Variants in RIMS1 observed in about 807,000 individuals in gnomAD.
RIMS1 encodes the protein regulating synaptic membrane exocytosis 1, also known as regulating synaptic membrane exocytosis protein 1.
RIMS1 carries 83 observed loss-of-function variants against 214.1 expected under a neutral mutation model. The ratio of observed to expected loss-of-function variants is 0.39; its 90% CI spans 0.32 to 0.47. The LOEUF (loss-of-function observed/expected upper bound fraction) is 0.47, where lower values mean the gene tolerates loss of function less well. Ranked by LOEUF, RIMS1 falls within the 20% of genes least tolerant of loss-of-function variation. RIMS1 has a pLI of 0.99. For missense variants in RIMS1, 2,050 were observed against 2,161.8 expected, an observed-to-expected ratio of 0.95 and a Z score of 1.03; for synonymous variants, 793 against 786.8, an observed-to-expected ratio of 1.01 and a Z score of -0.13.
Position 72,290,691 on chromosome 6 carries a change from A to G in RIMS1, c.3567A>G (p.Thr1189=), listed in dbSNP as rs955208814. The G allele has an allele frequency of 6.2e-7, 1 of 1,613,498 alleles. No homozygotes were observed. The highest frequency in any genetic ancestry group is 1.1e-5 in the South Asian group (1 of 91,044). Residue 1189 remains threonine, a synonymous_variant, in exon 25 of 34, where the codon ACA becomes ACG. Coordinates refer to ENST00000521978, the MANE Select transcript of RIMS1 (RefSeq NM_014989.7). ...TASDAERVLP[T]CLSRRGHAAP... Reference sequence around the variant, plus strand: ...CCTAATGTTTTAGGGTTCTCCCAACATGTCTTTCTAGAAGGGGACACGCAG... The same window carrying G: ...CCTAATGTTTTAGGGTTCTCCCAACGTGTCTTTCTAGAAGGGGACACGCAG...
chr6:72,173,969 A>T (rs948973116), intron 4 of RIMS1, among the ~76,000 whole-genome samples: 5 of 115,784 alleles, frequency 4.3e-5, no homozygotes, highest in Non-Finnish European at 8.9e-5. Context: ...GTCATTCTGC[A>T]TATGGAAAAT....
chr6:72,395,170 C>T (rs2098758026), intron 31 of RIMS1, among the ~76,000 whole-genome samples: 1 of 151,828 alleles, frequency 6.6e-6, no homozygotes, highest in Non-Finnish European at 1.5e-5. Flanking sequence ...GAAGAATAAA[C>T]CAAAAAGCTC....
At chr6:72,112,334 C>A in intron 4 of RIMS1, among the ~76,000 whole-genome samples, 1 of 152,076 alleles carries the variant, frequency 6.6e-6, no homozygotes, top group East Asian at 1.9e-4. Context: ...CCACCCCACT[C>A]CCAAAGACAA....
At chr6:71,968,673 A>G (rs1795071747) in intron 1 of RIMS1, among the ~76,000 whole-genome samples, 1 of 152,210 alleles carries the variant, frequency 6.6e-6, no homozygotes, top group South Asian at 2.1e-4. Flanking sequence ...AGACATCTTC[A>G]TATGGTCATG....
chr6:72,089,275 G>C (rs1337865649), intron 2 of RIMS1, among the ~76,000 whole-genome samples: 1 of 152,122 alleles, frequency 6.6e-6, no homozygotes, highest in Non-Finnish European at 1.5e-5. Flanking sequence ...TTTAGATGCA[G>C]AGCCACGACA....
chr6:72,061,850 G>T (rs1202367921), intron 2 of RIMS1, among the ~76,000 whole-genome samples: 2 of 152,126 alleles, frequency 1.3e-5, no homozygotes, highest in Non-Finnish European at 2.9e-5. Context: ...TTTTCCCCTA[G>T]GGGGAATCTT....
chr6:72,308,641 T>C (rs1299114824), intron 27 of RIMS1, among the ~76,000 whole-genome samples: 1 of 151,888 alleles, frequency 6.6e-6, no homozygotes, highest in Non-Finnish European at 1.5e-5. Flanking sequence ...CATAGAGTCA[T>C]GTGTGTTTGA....
rs752491713 is a variant in RIMS1 at position 72,196,349 on chromosome 6, CTCTG to C, written c.1678+13228_1678+13231del. 7.6e-3 allele frequency among the ~76,000 whole-genome samples: 1,015 copies of C among 134,362 alleles called. 8 individuals are homozygous for C. Among genetic ancestry groups the C allele is most frequent in the African/African-American group, 0.018 (652 of 36,786 alleles). The allele number at this position is 134,362 out of a possible 152,430, so 88.1% of individuals were successfully genotyped here. On this transcript the variant is annotated intron_variant, in intron 6 of 33. Transcript: ENST00000521978. ...TGAATGCAAGGACCATGGCTATTTC[CTCTG>C]TCTGTCTGTCTGTCTGTCTGTCTGT...
intron 22 of RIMS1, among the ~76,000 whole-genome samples, chr6:72,271,833 C>G (rs560402953): frequency 6.6e-6 from 1 of 152,242 alleles, no homozygotes; most frequent in East Asian, 1.9e-4. Flanking sequence ...TTATTCTGTG[C>G]TATGCATAAT....
intron 4 of RIMS1, among the ~76,000 whole-genome samples, chr6:72,118,445 G>A (rs1347126345): frequency 1.3e-5 from 2 of 151,098 alleles, no homozygotes; most frequent in Non-Finnish European, 3.0e-5. Flanking sequence ...AAAAGATATA[G>A]AAAGATGGAA....
At chr6:71,911,832 C>A (rs1309591579) in intron 1 of RIMS1, among the ~76,000 whole-genome samples, 1 of 152,062 alleles carries the variant, frequency 6.6e-6, no homozygotes, top group Admixed American at 6.6e-5. Flanking sequence ...TATTTCAGGT[C>A]TTGAAGGGAT....
At chr6:72,005,783 A>G (rs992119929) in intron 2 of RIMS1, among the ~76,000 whole-genome samples, 4 of 152,208 alleles carry the variant, frequency 2.6e-5, no homozygotes, top group Non-Finnish European at 5.9e-5. Context: ...CGATAGTTTG[A>G]TCTCTCCTGA....
intron 4 of RIMS1, among the ~76,000 whole-genome samples, chr6:72,170,481 T>C (rs1018337773): frequency 6.6e-6 from 1 of 152,084 alleles, no homozygotes; most frequent in Non-Finnish European, 1.5e-5. Context: ...GTAGCTGGGA[T>C]TACAGGTGCC....
Position 72,109,973 on chromosome 6 carries a change from G to T in RIMS1, c.471+9987G>T, listed in dbSNP as rs573091163. ...TTAAATAGGGAATCCTTTCCCCATTGCTTGTTTTTCTCATGTTTGTCAAAG... is the reference window on the plus strand; with the variant it reads ...TTAAATAGGGAATCCTTTCCCCATTTCTTGTTTTTCTCATGTTTGTCAAAG... On this transcript the variant is annotated intron_variant, in intron 4 of 33. Coordinates refer to ENST00000521978, the MANE Select transcript of RIMS1 (RefSeq NM_014989.7). 1.8e-3 allele frequency among the ~76,000 whole-genome samples: 273 copies of T among 151,950 alleles called. 3 individuals are homozygous for T. Among genetic ancestry groups the T allele is most frequent in the African/African-American group, 5.8e-3 (238 of 41,292 alleles).
chr6:72,393,323 T>G (rs1184176564), intron 31 of RIMS1, among the ~76,000 whole-genome samples: 1 of 152,148 alleles, frequency 6.6e-6, no homozygotes, highest in East Asian at 1.9e-4. Flanking sequence ...TGCATGAAAA[T>G]AGATCAGCTT....
intron 1 of RIMS1, among the ~76,000 whole-genome samples, chr6:71,924,477 T>C (rs1780961103): frequency 6.6e-6 from 1 of 151,830 alleles, no homozygotes; most frequent in African/African-American, 2.4e-5. Flanking sequence ...TCTGCATTTT[T>C]ATCTTTCTTT....
At position 71,999,709 on chromosome 6, in the gene RIMS1, G is replaced by A. The variant is rs1403892057; in HGVS notation, c.245+30646G>A. 4.6e-5 allele frequency among the ~76,000 whole-genome samples: 7 copies of A among 152,016 alleles called. No individual in the cohort carries two copies. In the East Asian group the frequency reaches 9.6e-4, roughly 21 times the overall value. ...AATGCACACCTCTTTTAAATTAAAC[G>A]ATGTTTACTAGTGTGGCATTAAGCA... On this transcript the variant is annotated intron_variant, in intron 2 of 33. Transcript: ENST00000521978.
chr6:72,103,795 C>T (rs147145253), intron 4 of RIMS1, among the ~76,000 whole-genome samples: 88 of 152,194 alleles, frequency 5.8e-4, no homozygotes, highest in Admixed American at 8.5e-4. Context: ...ACATTTTTAT[C>T]AATGTTTGTT....
chr6:71,979,201 A>G (rs115959779), intron 2 of RIMS1, among the ~76,000 whole-genome samples: 1,749 of 152,096 alleles, frequency 0.011, 43 homozygotes, highest in African/African-American at 0.04. Context: ...TAGTTCTACT[A>G]TGTATATGTG....
Sources: allele counts gnomAD v4.1 joint callset (sites outside exome capture counted in the v4.1 genomes callset), GRCh38; gene constraint gnomAD v4.1.1; transcripts MANE v1.5; gene names NCBI Gene and HGNC (gene_info 2026-07-23, HGNC 2026-07-21).